Variants in TMTC2 observed in about 807,000 individuals in gnomAD.
TMTC2 encodes the protein protein O-mannosyl-transferase TMTC2.
Under a neutral mutation model 82.4 loss-of-function variants are expected in TMTC2, and 43 were observed. That is an observed-to-expected ratio of 0.52 (90% confidence interval 0.41 to 0.67). The LOEUF (loss-of-function observed/expected upper bound fraction) is 0.67, where lower values mean the gene tolerates loss of function less well. Ranked by LOEUF, TMTC2 falls within the 30% of genes least tolerant of loss-of-function variation. The pLI is 0.00. For missense variants in TMTC2, 919 were observed against 1,012.4 expected (o/e 0.91, Z 1.25); for synonymous variants, 408 against 381.9 (o/e 1.07, Z -0.80).
intron 1 of TMTC2, among the ~76,000 whole-genome samples, chr12:82,776,627 A>AG (rs1877617059): frequency 6.6e-6 from 1 of 151,640 alleles, no homozygotes; most frequent in Non-Finnish European, 1.5e-5. Context: ...AAAAAAAAAA[A>AG]AAAAAAAAGA....
intron 3 of TMTC2, among the ~76,000 whole-genome samples, chr12:82,922,516 CT>C (rs898638554): frequency 6.0e-5 from 9 of 150,916 alleles, no homozygotes; most frequent in East Asian, 2.0e-4. Context: ...TTCTCTTTCT[CT>C]TTTTTTTTCC....
At chr12:82,791,495 A>G (rs1021234114) in intron 1 of TMTC2, among the ~76,000 whole-genome samples, 1 of 152,126 alleles carries the variant, frequency 6.6e-6, no homozygotes, top group East Asian at 1.9e-4. Flanking sequence ...TGTCACAGAA[A>G]AAGTGGTACA....
intron 1 of TMTC2, among the ~76,000 whole-genome samples, chr12:82,691,648 C>T (rs1021978334): frequency 1.2e-4 from 19 of 152,030 alleles, no homozygotes; most frequent in Non-Finnish European, 5.9e-5. Flanking sequence ...AGGAATCCCT[C>T]GTGAAATAAT....
At chr12:83,062,020 C>T (rs917402618) in intron 11 of TMTC2, among the ~76,000 whole-genome samples, 189 bp downstream of exon 11, 5 of 151,670 alleles carry the variant, frequency 3.3e-5, no homozygotes, top group African/African-American at 4.8e-5. Context: ...GTAAAATCTG[C>T]CGGCCTCAAG....
At chr12:83,105,578 TAAAC>T (rs951758097) in intron 11 of TMTC2, among the ~76,000 whole-genome samples, 1 of 151,990 alleles carries the variant, frequency 6.6e-6, no homozygotes, top group African/African-American at 2.4e-5. Flanking sequence ...GCCATCCACT[TAAAC>T]AAGCAGATCT....
Position 82,896,022 on chromosome 12 carries a change from C to G in TMTC2, c.859C>G (p.Pro287Ala), listed in dbSNP as rs1411958778. 2 of 1,613,788 alleles carry G rather than the reference C, an allele frequency of 1.2e-6. No homozygotes were observed. The highest frequency in any genetic ancestry group is 1.7e-5 in the Admixed American group (1 of 59,966). The change falls in exon 3 of 12, where the codon CCA becomes GCA. Residue 287 changes from proline (P) to alanine (A), a missense_variant. Physicochemically the swap from Pro to Ala is conservative, Grantham distance 27. Transcript: ENST00000321196. ...CAAGAACCTCTGGCTGTTGCTATGT[C>G]CAGATACCCTCAGTTTTGATTGGTC... ...PTKNLWLLLCPDTLSFDWSMD... is the reference protein window; with the variant it reads ...PTKNLWLLLCADTLSFDWSMD...
At chr12:82,842,542 T>A (rs1362384898) in intron 1 of TMTC2, among the ~76,000 whole-genome samples, 2 of 152,186 alleles carry the variant, frequency 1.3e-5, no homozygotes, top group African/African-American at 2.4e-5. Flanking sequence ...AACTGAAAGA[T>A]AAACAGTATA....
intron 1 of TMTC2, among the ~76,000 whole-genome samples, chr12:82,705,957 G>GTGAGATGC (rs1873331815): frequency 1.3e-5 from 2 of 152,192 alleles, no homozygotes; most frequent in Admixed American, 6.6e-5. Flanking sequence ...GGAGGCACTT[G>GTGAGATGC]TGAGATGCTT....
At chr12:82,688,901 CT>C (rs903964444) in intron 1 of TMTC2, among the ~76,000 whole-genome samples, 8 of 152,190 alleles carry the variant, frequency 5.3e-5, no homozygotes, top group African/African-American at 1.9e-4. Context: ...CATTCTCCTG[CT>C]AAAAGCATCT....
At chr12:82,887,033 C>T (rs1024606764) in intron 2 of TMTC2, among the ~76,000 whole-genome samples, 6 of 152,252 alleles carry the variant, frequency 3.9e-5, no homozygotes, top group Admixed American at 3.9e-4. Context: ...ATAGCCTTTT[C>T]TCTGTCTTAT....
chr12:83,000,416 G>A (rs1167579361), intron 8 of TMTC2, among the ~76,000 whole-genome samples: 1 of 152,130 alleles, frequency 6.6e-6, no homozygotes, highest in African/African-American at 2.4e-5. Flanking sequence ...TTACAGGCAT[G>A]AGCCACCGCA....
intron 3 of TMTC2, among the ~76,000 whole-genome samples, chr12:82,920,852 A>C (rs1875350098): frequency 6.6e-6 from 1 of 152,226 alleles, no homozygotes; most frequent in South Asian, 2.1e-4. Flanking sequence ...GGCACTAAGA[A>C]GAATGGATAA....
chr12:82,885,200 G>T (rs924846451), intron 2 of TMTC2, among the ~76,000 whole-genome samples: 1 of 147,732 alleles, frequency 6.8e-6, no homozygotes, highest in Non-Finnish European at 1.5e-5. Context: ...ACCACACCCA[G>T]CCAGACTTTG....
chr12:82,828,548 C>T (rs1407304384), intron 1 of TMTC2, among the ~76,000 whole-genome samples: 4 of 152,136 alleles, frequency 2.6e-5, no homozygotes, highest in African/African-American at 9.7e-5. Context: ...TTCATATACT[C>T]TTGAAAGAGA....
intron 2 of TMTC2, among the ~76,000 whole-genome samples, chr12:82,859,079 T>G (rs1296460535): frequency 6.6e-6 from 1 of 151,226 alleles, no homozygotes; most frequent in Non-Finnish European, 1.5e-5. Flanking sequence ...TTTTTTTTTT[T>G]TTTTTTTGAC....
chr12:82,697,706 A>G (rs1200749859), intron 1 of TMTC2, among the ~76,000 whole-genome samples: 1 of 152,210 alleles, frequency 6.6e-6, no homozygotes, highest in Non-Finnish European at 1.5e-5. Flanking sequence ...AAACAATGTC[A>G]TCTTCTTTGT....
intron 11 of TMTC2, among the ~76,000 whole-genome samples, chr12:83,117,954 A>G (rs1475314158): frequency 6.6e-6 from 1 of 151,688 alleles, no homozygotes; most frequent in East Asian, 1.9e-4. Context: ...TGAGTTCTTG[A>G]TTTGATTCTC....
chr12:83,128,583 T>C (rs984218332), intron 11 of TMTC2, among the ~76,000 whole-genome samples: 9 of 152,150 alleles, frequency 5.9e-5, no homozygotes, highest in African/African-American at 1.9e-4. Flanking sequence ...TAATCTATGA[T>C]CTAGAAATTA....
At chr12:83,012,241 C>A (rs578073428) in intron 8 of TMTC2, among the ~76,000 whole-genome samples, 13 of 151,792 alleles carry the variant, frequency 8.6e-5, no homozygotes, top group Non-Finnish European at 1.6e-4. Flanking sequence ...CAAAATACAT[C>A]ATTTTAGTGT....
Sources: gnomAD v4.1 joint callset for allele counts (sites outside exome capture counted in the v4.1 genomes callset) on GRCh38, gnomAD v4.1.1 for gene constraint, MANE v1.5 for transcripts, NCBI Gene and HGNC (gene_info 2026-07-23, HGNC 2026-07-21) for gene names.